Variants in VWA8 observed in about 807,000 individuals in gnomAD.
VWA8 encodes von Willebrand factor A domain containing 8.
VWA8 carries 221 observed loss-of-function variants against 241.5 expected under a neutral mutation model. The observed-to-expected ratio is 0.91, with a 90% confidence interval of 0.82 to 1.02. The LOEUF is 1.02. VWA8 is among the 50% of genes least tolerant of loss of function. The probability of loss-of-function intolerance (pLI) is 0.00; values close to 1 mark genes in which losing one functional copy is unlikely to be tolerated. For synonymous variants in VWA8, 852 were observed against 827.1 expected (o/e 1.03, Z -0.52); for missense variants, 2,322 against 2,328.7 (o/e 1.00, Z 0.06).
intron 10 of VWA8, among the ~76,000 whole-genome samples, chr13:41,866,364 T>A (rs1008913939): frequency 5.1e-4 from 76 of 149,846 alleles, no homozygotes; most frequent in African/African-American, 1.8e-3. Flanking sequence ...AAAAAATATA[T>A]ATATATATAT....
In VWA8 at chr13:41,758,369, CATATATATAT is replaced by C. The variant is rs374621428; in HGVS notation, c.2426+2749_2426+2758del. ...TTTTTCCCATTGCTATAGATACTAG[CATATATATAT>C]ATATATATATATACGCTAGTATATA... On this transcript the variant is annotated intron_variant, in intron 21 of 44. Transcript: ENST00000379310. Among the ~76,000 whole-genome samples the C allele has an allele frequency of 2.5e-4, 18 of 72,986 alleles. 1 individual carries two copies. Among genetic ancestry groups the C allele is most frequent in the South Asian group, 5.3e-4 (1 of 1,894 alleles). The allele number at this position is 72,986 out of a possible 152,430, so 47.9% of individuals were successfully genotyped here.
At chr13:41,752,650 C>A (rs775197376) in intron 21 of VWA8, among the ~76,000 whole-genome samples, 1 of 152,124 alleles carries the variant, frequency 6.6e-6, no homozygotes. Flanking sequence ...ATAGAAACTA[C>A]TACAGTGCAA....
intron 9 of VWA8, among the ~76,000 whole-genome samples, chr13:41,871,261 T>G (rs1873594396): frequency 6.6e-6 from 1 of 152,220 alleles, no homozygotes; most frequent in African/African-American, 2.4e-5. Context: ...TCCTATGAAT[T>G]CTTGAATTTC....
chr13:41,806,032 T>G (rs1025145761), intron 17 of VWA8, among the ~76,000 whole-genome samples: 1 of 147,716 alleles, frequency 6.8e-6, no homozygotes, highest in Non-Finnish European at 1.5e-5. Context: ...TGATGTCAAG[T>G]ATCTTCTGTG....
intron 17 of VWA8, among the ~76,000 whole-genome samples, chr13:41,805,415 A>G (rs78091354): frequency 0.028 from 4,201 of 152,340 alleles, 74 homozygotes; most frequent in Middle Eastern, 0.048. Flanking sequence ...ACCCAAATAT[A>G]TAAAAGCAAA....
chr13:41,587,669 A>G lies in VWA8; in HGVS notation c.5114T>C (p.Leu1705Pro), dbSNP rs759913201. ...YKRRGELEPQ[L>P]GSPQQKPKRL... is the part of the protein sequence containing the mutation. ...CTTGGGTTTCTGTTGTGGGCTGCCA[A>G]GCTGAGGGAAGGAATAACAGAAAAG... The change falls in exon 42 of 45, where the codon CTT (leucine) becomes CCT (proline). Residue 1705 changes from leucine (L) to proline (P), a missense_variant and splice_region_variant. By Grantham distance (98) the Leu-to-Pro change is moderately conservative (BLOSUM62 -3). Coordinates refer to ENST00000379310, the MANE Select transcript of VWA8 (RefSeq NM_015058.2). The G allele has an allele frequency of 1.6e-5, 26 of 1,614,058 alleles. No homozygotes were observed. In the Admixed American group the frequency reaches 3.7e-4, roughly 23 times the overall value.
chr13:41,781,300 T>G (rs952023330), intron 19 of VWA8, among the ~76,000 whole-genome samples: 6 of 152,142 alleles, frequency 3.9e-5, no homozygotes, highest in African/African-American at 2.4e-5. Flanking sequence ...AATTTATATA[T>G]AGCTCCCTAA....
chr13:41,570,474 G>A lies in VWA8; in HGVS notation c.5603C>T (p.Ala1868Val). The part of the protein sequence containing the change: ...AIFIGSLGDQ[A>V]TRLQRTLPAG... ...ATGCTCAGATGACACTTACCTGGTT[G>A]CTTGATCACCTAAAGAGCCAATAAA... The change falls in exon 44 of 45, where the codon GCA becomes GTA. Residue 1868 changes from alanine (A) to valine (V), a missense_variant. Ala to Val is a moderately conservative substitution (Grantham distance 64, BLOSUM62 0). Transcript: ENST00000379310. The A allele has an allele frequency of 6.2e-7, 1 of 1,613,786 alleles. No individual in the cohort carries two copies. Among genetic ancestry groups the A allele is most frequent in the Non-Finnish European group, 8.5e-7 (1 of 1,179,730 alleles).
At chr13:41,950,623 C>T (rs1307628690) in intron 1 of VWA8, among the ~76,000 whole-genome samples, 1 of 151,250 alleles carries the variant, frequency 6.6e-6, no homozygotes, top group East Asian at 1.9e-4. Context: ...CCGCCTTGGC[C>T]TCCCAAAGTG....
chr13:41,651,638 T>C (rs1401727599), intron 37 of VWA8, among the ~76,000 whole-genome samples: 2 of 152,220 alleles, frequency 1.3e-5, no homozygotes, highest in Non-Finnish European at 2.9e-5. Flanking sequence ...ACACCAAAAT[T>C]TGAATTTCAT....
In VWA8 at chr13:41,701,535, A is replaced by G; in HGVS notation, c.3226-5T>C. On this transcript the variant is annotated splice_polypyrimidine_tract_variant and splice_region_variant and intron_variant, in intron 27 of 44. Coordinates refer to ENST00000379310, the MANE Select transcript of VWA8 (RefSeq NM_015058.2). ...TATATTTATAAGTGCTGGACCCTAT[A>G]ATAAAGCAGTTATCTCAGTTAAGAT... is the stretch of plus-strand genomic sequence containing the variant. 1 of 1,543,966 alleles carries G rather than the reference A, an allele frequency of 6.5e-7. No individual in the cohort carries two copies. Among genetic ancestry groups the G allele is most frequent in the Admixed American group, 2.2e-5 (1 of 45,408 alleles).
chr13:41,605,798 G>A (rs1449137068), intron 39 of VWA8, among the ~76,000 whole-genome samples: 1 of 152,156 alleles, frequency 6.6e-6, no homozygotes, highest in African/African-American at 2.4e-5. Context: ...AAGTTAATGT[G>A]CTGCTATGTA....
intron 40 of VWA8, among the ~76,000 whole-genome samples, chr13:41,592,330 G>T (rs1408715054): frequency 8.1e-6 from 1 of 123,984 alleles, no homozygotes; most frequent in African/African-American, 3.0e-5. Flanking sequence ...GTGGGGGGAG[G>T]GGGGAGGGGA....
chr13:41,775,823 C>T (rs1868567695), intron 20 of VWA8, among the ~76,000 whole-genome samples: 1 of 152,112 alleles, frequency 6.6e-6, no homozygotes, highest in Admixed American at 6.5e-5. Flanking sequence ...AGAGGCAAAC[C>T]TCTGTTCTAC....
intron 36 of VWA8, 79 bp downstream of exon 36, chr13:41,675,136 C>T: frequency 9.9e-7 from 1 of 1,011,844 alleles, no homozygotes; most frequent in East Asian, 2.6e-5. Flanking sequence ...AAAAAGTACT[C>T]ATTTATTCAG....
At chr13:41,955,917 C>G (rs1878332747) in intron 1 of VWA8, 1 of 152,180 alleles carries the variant, frequency 6.6e-6, no homozygotes, top group African/African-American at 2.4e-5. Flanking sequence ...TAAGCTGTTT[C>G]CGTACCTGAC....
At chr13:41,649,049 T>TG (rs35508381) in intron 37 of VWA8, among the ~76,000 whole-genome samples, 6,121 of 151,614 alleles carry the variant, frequency 0.04, 153 homozygotes, top group South Asian at 0.077. Context: ...CTGGGCGTGG[T>TG]GGGGGGGTGC....
chr13:41,778,153 T>C, intron 19 of VWA8, 97 bp from the exon 20 acceptor site: 1 of 701,088 alleles, frequency 1.4e-6, no homozygotes, highest in Non-Finnish European at 2.1e-6. Flanking sequence ...TAAATATCTA[T>C]TATAATAAAC....
rs1874564693 is a variant in VWA8 at position 41,886,816 on chromosome 13, CAACTT to C, written c.826_830del (p.Lys276ValfsTer11). ...AAACATTGGCTCCAATTGAATATAA[CAACTT>C]AAGTTGGTCCTAAAGTAATACAGAA... On this transcript the variant is annotated frameshift_variant, in exon 7 of 45. Coordinates refer to ENST00000379310, the MANE Select transcript of VWA8 (RefSeq NM_015058.2). LOFTEE classifies it high-confidence loss of function. The C allele has an allele frequency of 1.9e-6, 3 of 1,591,806 alleles. No individual in the cohort carries two copies. Among genetic ancestry groups the C allele is most frequent in the Admixed American group, 3.7e-5 (2 of 53,678 alleles).
Sources: allele counts gnomAD v4.1 joint callset (sites outside exome capture counted in the v4.1 genomes callset), GRCh38; gene constraint gnomAD v4.1.1; transcripts MANE v1.5; gene names NCBI Gene and HGNC (gene_info 2026-07-23, HGNC 2026-07-21).